The following FAM13C variants were observed in gnomAD, a reference collection of about 807,000 sequenced individuals.
The protein encoded by FAM13C is protein FAM13C.
FAM13C carries 37 observed loss-of-function variants against 73.2 expected under a neutral mutation model. That is an observed-to-expected ratio of 0.51 (90% CI 0.39 to 0.67). The LOEUF is 0.67. Ranked by LOEUF, FAM13C falls within the 30% of genes least tolerant of loss-of-function variation. The pLI is 0.00. For synonymous variants in FAM13C, 246 were observed against 260.9 expected (o/e 0.94, Z 0.55); for missense variants, 589 against 715.6 (o/e 0.82, Z 2.02).
intron 6 of FAM13C, among the ~76,000 whole-genome samples, chr10:59,279,366 A>G (rs1386790570): frequency 1.3e-5 from 2 of 152,240 alleles, no homozygotes; most frequent in Non-Finnish European, 2.9e-5. Context: ...AGAGACCTAT[A>G]GATTATGCAG....
rs559276041 is a variant in FAM13C at position 59,288,082 on chromosome 10, G to T, written c.508-4635C>A. 7.2e-5 allele frequency among the ~76,000 whole-genome samples: 11 copies of T among 152,320 alleles called. No homozygotes were observed. In the South Asian group the frequency reaches 2.3e-3, roughly 32 times the overall value. On this transcript the variant is annotated intron_variant, in intron 5 of 13. Transcript: ENST00000618804. ...CACTGTGTTTGGAACGGAACCAAAT[G>T]TCCAGACAACACAAATAGGTTTCAA...
At position 59,303,813 on chromosome 10, in the gene FAM13C, CT is replaced by C. The variant is rs202028003; in HGVS notation, c.444-950del. Among the ~76,000 whole-genome samples the C allele has an allele frequency of 1.4e-4, 22 of 152,204 alleles. No homozygotes were observed. In the East Asian group the frequency reaches 4.1e-3, roughly 28 times the overall value. On this transcript the variant is annotated intron_variant, in intron 4 of 13. Coordinates refer to ENST00000618804, the MANE Select transcript of FAM13C (RefSeq NM_198215.4). ...TTTCTCTAATGATCAGTGATGTGAG[CT>C]TTTTTTCATTTGTTTGTTGGCTCCA...
intron 8 of FAM13C, among the ~76,000 whole-genome samples, chr10:59,267,843 C>T (rs1843236194): frequency 6.6e-6 from 1 of 152,154 alleles, no homozygotes; most frequent in Admixed American, 6.6e-5. Flanking sequence ...ATGTCTTTGT[C>T]CAGTTCTCTG....
chr10:59,277,356 A>G lies in FAM13C; in HGVS notation c.592+6007T>C, dbSNP rs950621224. 2.6e-5 allele frequency among the ~76,000 whole-genome samples: 4 copies of G among 152,216 alleles called. No individual in the cohort carries two copies. The East Asian group carries it at 5.8e-4, about 22-fold the overall frequency. The stretch of plus-strand genomic sequence containing the variant: ...AAAATGCCCTTGTTCCCATTTTCAC[A>G]TATTAATTCATTTTTTTAAATTGAG... On this transcript the variant is annotated intron_variant, in intron 6 of 13. Transcript: ENST00000618804.
chr10:59,345,631 C>T (rs906781016), intron 3 of FAM13C, among the ~76,000 whole-genome samples: 1 of 152,166 alleles, frequency 6.6e-6, no homozygotes, highest in Non-Finnish European at 1.5e-5. Context: ...ATCTGATAGA[C>T]CACAGGAAAC....
intron 3 of FAM13C, among the ~76,000 whole-genome samples, chr10:59,345,190 T>C (rs16913454): frequency 0.11 from 16,553 of 150,640 alleles, 1,206 homozygotes; most frequent in East Asian, 0.32. Context: ...CCATCCTCCA[T>C]TGCTATACTC....
intron 9 of FAM13C, among the ~76,000 whole-genome samples, chr10:59,263,383 T>A (rs566300185): frequency 6.6e-6 from 1 of 152,300 alleles, no homozygotes; most frequent in South Asian, 2.1e-4. Context: ...GTTTAAACAT[T>A]GCATATTTTA....
Position 59,268,590 on chromosome 10 carries a change from T to G in FAM13C, c.905A>C (p.Lys302Thr). 1 of 1,613,760 alleles carries G rather than the reference T, an allele frequency of 6.2e-7. No individual in the cohort carries two copies. The highest frequency in any genetic ancestry group is 8.5e-7 in the Non-Finnish European group (1 of 1,179,818). Residue 302 changes from lysine to threonine, a missense_variant, in exon 8 of 14, where the codon AAA (lysine) becomes ACA (threonine). Lys to Thr is a moderately conservative substitution (Grantham distance 78, BLOSUM62 -1). Coordinates refer to ENST00000618804, the MANE Select transcript of FAM13C (RefSeq NM_198215.4). ...TTCTTGTTCAAATTTTTCTTCAAAT[T>G]TCCGAATTTTCCGCTTGAGGCTCTG... Reference protein sequence around the residue: ...HIQSLKRKIRKFEEKFEQEKK... With the variant: ...HIQSLKRKIRTFEEKFEQEKK...
At chr10:59,344,151 A>C (rs928787136) in intron 3 of FAM13C, among the ~76,000 whole-genome samples, 1 of 149,548 alleles carries the variant, frequency 6.7e-6, no homozygotes, top group African/African-American at 2.5e-5. Context: ...TTTAGTAGAG[A>C]TGGGGTTTCA....
intron 12 of FAM13C, among the ~76,000 whole-genome samples, chr10:59,252,090 G>A (rs1841437031): frequency 6.6e-6 from 1 of 152,028 alleles, no homozygotes; most frequent in South Asian, 2.1e-4. Context: ...AATAAGTGTG[G>A]GAATATTGGG....
chr10:59,290,165 C>T (rs1790399659), intron 5 of FAM13C, among the ~76,000 whole-genome samples: 1 of 152,290 alleles, frequency 6.6e-6, no homozygotes, highest in Non-Finnish European at 1.5e-5. Flanking sequence ...ATTTTCTCTC[C>T]TCTACAATTA....
chr10:59,321,180 G>C (rs576015876), intron 4 of FAM13C, among the ~76,000 whole-genome samples: 1 of 152,116 alleles, frequency 6.6e-6, no homozygotes, highest in African/African-American at 2.4e-5. Context: ...AGGACCTCGA[G>C]ATAGGGAAAT....
chr10:59,301,590 A>T (rs1847605265), intron 5 of FAM13C, among the ~76,000 whole-genome samples: 1 of 151,922 alleles, frequency 6.6e-6, no homozygotes, highest in Admixed American at 6.5e-5. Flanking sequence ...TCATGAGTTG[A>T]CTCTTACAAT....
intron 4 of FAM13C, among the ~76,000 whole-genome samples, chr10:59,319,382 T>C (rs1463142804): frequency 6.6e-6 from 1 of 152,240 alleles, no homozygotes; most frequent in African/African-American, 2.4e-5. Flanking sequence ...GACAATGCTA[T>C]AGAATAACTC....
intron 3 of FAM13C, among the ~76,000 whole-genome samples, chr10:59,324,770 T>TAC (rs1264066048): frequency 3.9e-5 from 6 of 152,126 alleles, no homozygotes; most frequent in African/African-American, 1.4e-4. Context: ...CACCCCCTCA[T>TAC]ACACACACAC....
chr10:59,252,338 A>AC (rs1192308296), intron 12 of FAM13C, among the ~76,000 whole-genome samples: 1 of 152,068 alleles, frequency 6.6e-6, no homozygotes, highest in Non-Finnish European at 1.5e-5. Context: ...AAGTCCCAAC[A>AC]CCCCTTGAAA....
At chr10:59,342,723 G>A (rs1338074177) in intron 3 of FAM13C, among the ~76,000 whole-genome samples, 1 of 152,164 alleles carries the variant, frequency 6.6e-6, no homozygotes, top group Non-Finnish European at 1.5e-5. Flanking sequence ...AGGTTAATAT[G>A]TTATGCCTCA....
In FAM13C at chr10:59,251,568, C is replaced by A; in HGVS notation, c.1634+7G>T. 1 of 1,610,814 alleles carries A rather than the reference C, an allele frequency of 6.2e-7. No individual in the cohort carries two copies. The highest frequency in any genetic ancestry group is 8.5e-7 in the Non-Finnish European group (1 of 1,177,056). ...TTAGCTTTAAAAATCTCTCTGCCGA[C>A]ACATACCTTCCTGTTTGTTTAAAAA... On this transcript the variant is annotated splice_region_variant and intron_variant, in intron 13 of 13. Transcript: ENST00000618804.
intron 5 of FAM13C, among the ~76,000 whole-genome samples, chr10:59,285,985 A>G (rs1219491209): frequency 6.6e-6 from 1 of 152,228 alleles, no homozygotes; most frequent in Non-Finnish European, 1.5e-5. Flanking sequence ...GGAAGAACTA[A>G]CAGACTAACA....
Sources: allele counts gnomAD v4.1 joint callset (sites outside exome capture counted in the v4.1 genomes callset), GRCh38; gene constraint gnomAD v4.1.1; transcripts MANE v1.5; gene names NCBI Gene and HGNC (gene_info 2026-07-23, HGNC 2026-07-21).